Variants in ASCC3 observed in about 807,000 individuals in gnomAD.
The protein encoded by ASCC3 is activating signal cointegrator 1 complex subunit 3, also known as ASC-1 complex subunit P200.
Under a neutral mutation model 256.3 loss-of-function variants are expected in ASCC3, and 158 were observed. The observed-to-expected ratio is 0.62, with a 90% CI of 0.54 to 0.70. The LOEUF (loss-of-function observed/expected upper bound fraction) is 0.70. ASCC3 is among the 30% of genes least tolerant of loss of function. The probability of loss-of-function intolerance (pLI) is 0.00; values close to 1 mark genes in which losing one functional copy is unlikely to be tolerated. For synonymous variants in ASCC3, 948 were observed against 883.4 expected (o/e 1.07, Z -1.30); for missense variants, 2,259 against 2,626.0 (o/e 0.86, Z 3.05).
chr6:100,601,481 C>G (rs896700846), intron 34 of ASCC3, among the ~76,000 whole-genome samples: 5 of 152,100 alleles, frequency 3.3e-5, no homozygotes, highest in Non-Finnish European at 7.4e-5. Flanking sequence ...TCACTCTTTT[C>G]TGAATTCCAA....
chr6:100,516,111 A>T, intron 39 of ASCC3, 69 bp downstream of exon 39: 1 of 1,602,372 alleles, frequency 6.2e-7, no homozygotes, highest in African/African-American at 1.3e-5. Context: ...CCATGCTCTA[A>T]GTTAGAAAAC....
At chr6:100,648,384 T>C (rs1775495127) in intron 20 of ASCC3, among the ~76,000 whole-genome samples, 4 of 152,054 alleles carry the variant, frequency 2.6e-5, no homozygotes. Context: ...ATAAAGAATG[T>C]TCAGTCTGGT....
At position 100,733,858 on chromosome 6, in the gene ASCC3, A is replaced by G. The variant is rs551165355; in HGVS notation, c.1738-8155T>C. On this transcript the variant is annotated intron_variant, in intron 10 of 41. Coordinates refer to ENST00000369162, the MANE Select transcript of ASCC3 (RefSeq NM_006828.4). Reference sequence around the variant, plus strand: ...GAGACTCTCCCATCTCCTCTCCACTAGCTTGTTCTTCTCCCCTAAAACATA... The same window carrying G: ...GAGACTCTCCCATCTCCTCTCCACTGGCTTGTTCTTCTCCCCTAAAACATA... 3.9e-5 allele frequency among the ~76,000 whole-genome samples: 6 copies of G among 152,256 alleles called. No homozygotes were observed. The South Asian group carries it at 1.2e-3, about 32-fold the overall frequency.
At chr6:100,586,401 A>C (rs1319801701) in intron 36 of ASCC3, among the ~76,000 whole-genome samples, 1 of 152,166 alleles carries the variant, frequency 6.6e-6, no homozygotes, top group Non-Finnish European at 1.5e-5. Flanking sequence ...TGCGAGATAT[A>C]ATCTCCTGAT....
At chr6:100,593,273 C>G (rs944188987) in intron 34 of ASCC3, among the ~76,000 whole-genome samples, 1 of 152,072 alleles carries the variant, frequency 6.6e-6, no homozygotes, top group African/African-American at 2.4e-5. Context: ...CTGACAGCAT[C>G]CAGCACATGG....
Position 100,800,445 on chromosome 6 carries a change from T to G in ASCC3, c.982A>C (p.Ile328Leu), listed in dbSNP as rs376498113. ...AACTGCTTTTCTTGTTCAGACTGAATAGTGACTTGACAACCATAATTGGGT... is the reference window on the plus strand; with the variant it reads ...AACTGCTTTTCTTGTTCAGACTGAAGAGTGACTTGACAACCATAATTGGGT... ...AKPNYGCQVT[I>L]QSEQEKQLMK... Residue 328 changes from isoleucine (I) to leucine (L), a missense_variant, in exon 6 of 42, where the codon ATT becomes CTT. Ile to Leu is a conservative substitution (Grantham distance 5). Around this residue, in one of 2 missense-constraint regions of ASCC3, gnomAD observed 420 missense variants for 419.3 expected, o/e 1.00. Coordinates refer to ENST00000369162, the MANE Select transcript of ASCC3 (RefSeq NM_006828.4). 1.5e-4 allele frequency: 235 copies of G among 1,612,430 alleles called. No individual in the cohort carries two copies. The highest frequency in any genetic ancestry group is 1.9e-4 in the Non-Finnish European group (229 of 1,179,196).
In ASCC3 at chr6:100,608,447, T is replaced by C. The variant is rs866691530; in HGVS notation, c.4786-1359A>G. ...ATTTTATATATATACTTTATATATATTTTATATATATATACTTTATATATA... is the reference window on the plus strand; with the variant it reads ...ATTTTATATATATACTTTATATATACTTTATATATATATACTTTATATATA... On this transcript the variant is annotated intron_variant, in intron 30 of 41. Coordinates refer to ENST00000369162, the MANE Select transcript of ASCC3 (RefSeq NM_006828.4). Among the ~76,000 whole-genome samples, 11 of 41,186 alleles carry C rather than the reference T, an allele frequency of 2.7e-4. 2 individuals carry two copies. In the East Asian group the frequency reaches 7.3e-3, roughly 27 times the overall value. 27.0% of individuals were successfully genotyped at this position (41,186 alleles called of 152,430 possible). A position where few individuals can be genotyped will look rare whatever the true frequency, so the allele number is the denominator to read the frequency against.
intron 14 of ASCC3, among the ~76,000 whole-genome samples, chr6:100,665,095 A>G: frequency 6.6e-6 from 1 of 152,122 alleles, no homozygotes; most frequent in East Asian, 1.9e-4. Context: ...TGTGATAGAG[A>G]TGTTTCTTAT....
intron 10 of ASCC3, among the ~76,000 whole-genome samples, chr6:100,753,008 T>G (rs1781006802): frequency 6.6e-6 from 1 of 152,086 alleles, no homozygotes; most frequent in Admixed American, 6.6e-5. Flanking sequence ...ATAGGCCCCT[T>G]TCAGAGCACA....
At chr6:100,812,438 C>T (rs1003053296) in intron 4 of ASCC3, among the ~76,000 whole-genome samples, 12 of 151,002 alleles carry the variant, frequency 7.9e-5, no homozygotes, top group African/African-American at 2.2e-4. Flanking sequence ...AAGAATTAAA[C>T]AATGACCAAA....
intron 36 of ASCC3, among the ~76,000 whole-genome samples, chr6:100,584,655 G>C (rs1771540340): frequency 6.6e-6 from 1 of 151,852 alleles, no homozygotes; most frequent in Non-Finnish European, 1.5e-5. Context: ...TTGCTCATTA[G>C]TTTATGCAGT....
intron 13 of ASCC3, among the ~76,000 whole-genome samples, chr6:100,696,079 G>C (rs1328392613): frequency 6.6e-6 from 1 of 152,140 alleles, no homozygotes; most frequent in Non-Finnish European, 1.5e-5. Flanking sequence ...ATAATATAGT[G>C]ATAGCTACAT....
At chr6:100,539,856 G>T (rs962264592) in intron 37 of ASCC3, among the ~76,000 whole-genome samples, 1 of 151,714 alleles carries the variant, frequency 6.6e-6, no homozygotes, top group African/African-American at 2.4e-5. Context: ...TCCCCGTCTT[G>T]AGTGAAAGTC....
At chr6:100,823,300 C>T (rs982967468) in intron 4 of ASCC3, among the ~76,000 whole-genome samples, 5 of 152,136 alleles carry the variant, frequency 3.3e-5, no homozygotes, top group Non-Finnish European at 5.9e-5. Flanking sequence ...CTGCTCTACG[C>T]ACAGATACAA....
Position 100,625,282 on chromosome 6 carries a change from T to C in ASCC3, c.4695A>G (p.Arg1565=), listed in dbSNP as rs779454735. The C allele has an allele frequency of 6.2e-6, 10 of 1,612,864 alleles. 1 individual carries two copies. The Middle Eastern group carries it at 4.9e-4, about 80-fold the overall frequency. Residue 1565 remains arginine (R), a synonymous_variant, in exon 30 of 42, where the codon AGA becomes AGG. Transcript: ENST00000369162. ...CCAAAGCAGTAAGACGAGTTTGACG[T>C]CTTGATGAGACAAATATCAAAACAG... ...AKPVLIFVSS[R]RQTRLTALEL... is the part of the protein sequence containing the mutation.
In ASCC3 at chr6:100,800,551, G is replaced by A. The variant is rs927185996; in HGVS notation, c.923-47C>T. 1.4e-5 allele frequency: 19 copies of A among 1,403,014 alleles called. No homozygotes were observed. The African/African-American group carries it at 1.7e-4, about 13-fold the overall frequency. The allele number at this position is 1,403,014 out of a possible 1,614,324, so 86.9% of individuals were successfully genotyped here. On this transcript the variant is annotated intron_variant, in intron 5 of 41. Transcript: ENST00000369162. ...CACAATGTTTTATAAATCTGAATAT[G>A]ATTTAACCTTCATGAAAACCATTTC...
intron 3 of ASCC3, among the ~76,000 whole-genome samples, chr6:100,850,571 A>C (rs1772615773): frequency 6.6e-6 from 1 of 152,212 alleles, no homozygotes; most frequent in South Asian, 2.1e-4. Context: ...ACTACATCAA[A>C]CTGCCTGAGT....
chr6:100,573,577 G>C (rs1049985087), intron 36 of ASCC3, among the ~76,000 whole-genome samples: 1 of 152,100 alleles, frequency 6.6e-6, no homozygotes, highest in Non-Finnish European at 1.5e-5. Context: ...TCAACGTAGA[G>C]TGAGAGGTGG....
intron 13 of ASCC3, among the ~76,000 whole-genome samples, chr6:100,692,824 T>C (rs1777900376): frequency 6.6e-6 from 1 of 152,080 alleles, no homozygotes; most frequent in Admixed American, 6.6e-5. Context: ...GCAGTTGGAC[T>C]AGGAGAACTT....
Sources: allele counts gnomAD v4.1 joint callset (sites outside exome capture counted in the v4.1 genomes callset), GRCh38; gene constraint gnomAD v4.1.1; regional missense constraint gnomAD v4.1.1; transcripts MANE v1.5; gene names NCBI Gene and HGNC (gene_info 2026-07-23, HGNC 2026-07-21).